Variants in DCDC1 observed in about 807,000 individuals in gnomAD.
DCDC1 encodes doublecortin domain containing 1.
In DCDC1, 200 loss-of-function variants were observed where a neutral mutation model predicts 178.3. That is an observed-to-expected ratio of 1.12 (90% CI 1.00 to 1.26). DCDC1 has a LOEUF of 1.26. DCDC1 is among the 50% of genes most tolerant of loss of function. The pLI is 0.00. For synonymous variants in DCDC1, 690 were observed against 604.8 expected (o/e 1.14, Z -2.07); for missense variants, 1,983 against 1,749.2 (o/e 1.13, Z -2.38).
chr11:31,149,660 T>C (rs1964944738), intron 9 of DCDC1, among the ~76,000 whole-genome samples: 3 of 151,892 alleles, frequency 2.0e-5, no homozygotes, highest in African/African-American at 7.3e-5. Context: ...TGCGGCTTTA[T>C]TCCTGAAGTC....
intron 20 of DCDC1, among the ~76,000 whole-genome samples, chr11:31,005,974 A>C (rs1376966818): frequency 6.7e-6 from 1 of 150,348 alleles, no homozygotes; most frequent in Non-Finnish European, 1.5e-5. Context: ...AAAAAAAAAA[A>C]AAAACTTTTG....
intron 11 of DCDC1, 114 bp downstream of exon 11, chr11:31,127,355 G>A: frequency 1.9e-6 from 1 of 526,940 alleles, no homozygotes; most frequent in South Asian, 2.9e-5. Flanking sequence ...CCAGTTTGAG[G>A]AAGACAACAT....
chr11:31,216,876 T>C (rs1036115022), intron 9 of DCDC1, among the ~76,000 whole-genome samples: 1 of 152,130 alleles, frequency 6.6e-6, no homozygotes, highest in South Asian at 2.1e-4. Context: ...ATAGCCAGAG[T>C]AGTCTACAAA....
intron 23 of DCDC1, among the ~76,000 whole-genome samples, chr11:30,923,154 A>C (rs1475413169): frequency 6.6e-6 from 1 of 152,104 alleles, no homozygotes; most frequent in African/African-American, 2.4e-5. Context: ...TTGTGAGTAG[A>C]GTTTTATTAG....
intron 9 of DCDC1, among the ~76,000 whole-genome samples, chr11:31,181,178 G>A (rs1433945464): frequency 6.6e-6 from 1 of 152,146 alleles, no homozygotes; most frequent in Non-Finnish European, 1.5e-5. Context: ...CCTCCTCTCT[G>A]GGCAGGACAT....
At chr11:30,893,727 A>T (rs573400354) in intron 35 of DCDC1, among the ~76,000 whole-genome samples, 7 of 152,318 alleles carry the variant, frequency 4.6e-5, no homozygotes, top group African/African-American at 1.4e-4. Context: ...AAAGCAAAAA[A>T]GTTTTCCCTG....
intron 20 of DCDC1, among the ~76,000 whole-genome samples, chr11:31,034,355 A>T (rs545855917): frequency 1.3e-5 from 2 of 152,260 alleles, no homozygotes; most frequent in South Asian, 4.1e-4. Flanking sequence ...AATATTTTTT[A>T]TGAATTTACT....
intron 34 of DCDC1, among the ~76,000 whole-genome samples, chr11:30,896,592 T>C (rs1309267140): frequency 6.6e-6 from 1 of 152,212 alleles, no homozygotes; most frequent in Non-Finnish European, 1.5e-5. Context: ...CTTATTTCGC[T>C]TTCACACTAA....
intron 33 of DCDC1, among the ~76,000 whole-genome samples, chr11:30,900,088 C>A (rs1170700501): frequency 6.6e-6 from 1 of 152,112 alleles, no homozygotes; most frequent in Non-Finnish European, 1.5e-5. Context: ...TCTCAAGGAT[C>A]TCTTTATCAA....
intron 6 of DCDC1, among the ~76,000 whole-genome samples, chr11:31,293,883 T>C (rs1947408524): frequency 6.6e-6 from 1 of 152,172 alleles, no homozygotes. Context: ...ATATCTCAAA[T>C]TCAATGTCTA....
chr11:31,086,844 T>C (rs1477087626), intron 17 of DCDC1, among the ~76,000 whole-genome samples: 1 of 152,200 alleles, frequency 6.6e-6, no homozygotes, highest in Non-Finnish European at 1.5e-5. Flanking sequence ...TCATGAGAGA[T>C]ACTGGTCTAT....
At chr11:31,121,506 T>C (rs1383936362) in intron 11 of DCDC1, among the ~76,000 whole-genome samples, 1 of 149,676 alleles carries the variant, frequency 6.7e-6, no homozygotes, top group Non-Finnish European at 1.5e-5. Flanking sequence ...AACACAGAAA[T>C]AGTGTCCTTT....
At chr11:30,960,016 C>T (rs1305990693) in intron 20 of DCDC1, among the ~76,000 whole-genome samples, 1 of 151,964 alleles carries the variant, frequency 6.6e-6, no homozygotes, top group African/African-American at 2.4e-5. Flanking sequence ...CTAGGAAACT[C>T]GAATTGAAGC....
chr11:30,968,026 G>A (rs1368117958), intron 20 of DCDC1, among the ~76,000 whole-genome samples: 2 of 152,258 alleles, frequency 1.3e-5, no homozygotes, highest in South Asian at 2.1e-4. Context: ...TCTGCCTTGG[G>A]AAACACCATC....
At chr11:31,221,844 A>G (rs1324463059) in intron 9 of DCDC1, among the ~76,000 whole-genome samples, 1 of 152,136 alleles carries the variant, frequency 6.6e-6, no homozygotes, top group Non-Finnish European at 1.5e-5. Context: ...TTTTTGCTTA[A>G]CAATTCTTTC....
chr11:31,128,777 A>C (rs1010531153), intron 10 of DCDC1, among the ~76,000 whole-genome samples: 1 of 152,202 alleles, frequency 6.6e-6, no homozygotes, highest in Non-Finnish European at 1.5e-5. Flanking sequence ...TGGAGAGCCC[A>C]CTGTCTAACC....
At chr11:31,083,395 A>AT (rs902167743) in intron 17 of DCDC1, among the ~76,000 whole-genome samples, 1 of 152,158 alleles carries the variant, frequency 6.6e-6, no homozygotes, top group African/African-American at 2.4e-5. Context: ...TAGTCCATTG[A>AT]TTTTACATGT....
At chr11:31,092,508 A>G (rs1293139765) in intron 16 of DCDC1, among the ~76,000 whole-genome samples, 1 of 152,216 alleles carries the variant, frequency 6.6e-6, no homozygotes, top group African/African-American at 2.4e-5. Flanking sequence ...TGCAAAGCAG[A>G]TAAGACTAAC....
At chr11:31,346,219 CAA>C (rs1256978925) in intron 1 of DCDC1, among the ~76,000 whole-genome samples, 2 of 151,672 alleles carry the variant, frequency 1.3e-5, no homozygotes, top group African/African-American at 4.8e-5. Flanking sequence ...TGAAGAGACT[CAA>C]GAATCATAGG....
Sources: allele counts gnomAD v4.1 joint callset (sites outside exome capture counted in the v4.1 genomes callset), GRCh38; gene constraint gnomAD v4.1.1; transcripts MANE v1.5; gene names NCBI Gene and HGNC (gene_info 2026-07-23, HGNC 2026-07-21).